Variants in MEF2B observed in about 807,000 individuals in gnomAD.
MEF2B encodes the protein myocyte enhancer factor 2B.
A neutral mutation model predicts 32.2 loss-of-function variants in MEF2B; 15 were observed. The ratio of observed to expected loss-of-function variants is 0.47; its 90% CI spans 0.31 to 0.72. The LOEUF is 0.72. MEF2B is among the 30% of genes least tolerant of loss of function. The probability of loss-of-function intolerance (pLI) is 0.05; values close to 1 mark genes in which losing one functional copy is unlikely to be tolerated. For missense variants in MEF2B, 441 were observed against 511.5 expected (o/e 0.86, Z 1.33); for synonymous variants, 205 against 225.6 (o/e 0.91, Z 0.82).
At chr19:19,160,928 G>C (rs374707809) in intron 1 of MEF2B, among the ~76,000 whole-genome samples, 11 of 152,022 alleles carry the variant, frequency 7.2e-5, no homozygotes, top group Admixed American at 1.3e-4. Context: ...GTACCCAGGT[G>C]GGGGGGCATG....
chr19:19,150,037 ATC>A, intron 2 of MEF2B, among the ~76,000 whole-genome samples: 1 of 143,198 alleles, frequency 7.0e-6, no homozygotes, highest in East Asian at 2.2e-4. Context: ...GTGAGCCGAG[ATC>A]GCTCCACTGC....
chr19:19,150,251 C>A (rs1378205667), intron 2 of MEF2B, among the ~76,000 whole-genome samples: 6 of 150,982 alleles, frequency 4.0e-5, no homozygotes. Context: ...ACTGACAGAC[C>A]AGGCGCGGTG....
chr19:19,164,893 T>C (rs2060194563), intron 1 of MEF2B, among the ~76,000 whole-genome samples: 1 of 152,116 alleles, frequency 6.6e-6, no homozygotes, highest in Non-Finnish European at 1.5e-5. Context: ...GCCCAAGGTT[T>C]TCCTCTCTTT....
chr19:19,151,958 ATTTT>A (rs201703145), intron 1 of MEF2B, among the ~76,000 whole-genome samples: 2 of 116,594 alleles, frequency 1.7e-5, no homozygotes. Flanking sequence ...CCCCATCTCT[ATTTT>A]TTTTTTTTTT....
chr19:19,152,263 TA>T (rs1444769045), intron 1 of MEF2B, among the ~76,000 whole-genome samples: 4 of 149,516 alleles, frequency 2.7e-5, no homozygotes, highest in Non-Finnish European at 5.9e-5. Context: ...CCATCTCTAT[TA>T]AAAATGCAAA....
At chr19:19,167,542 AG>A (rs2060219339) in intron 1 of MEF2B, among the ~76,000 whole-genome samples, 1 of 151,976 alleles carries the variant, frequency 6.6e-6, no homozygotes, top group African/African-American at 2.4e-5. Flanking sequence ...AAAGAAAGAA[AG>A]AAAGAAAGAA....
intron 1 of MEF2B, among the ~76,000 whole-genome samples, chr19:19,155,159 T>C (rs905157076): frequency 6.6e-6 from 1 of 152,210 alleles, no homozygotes; most frequent in African/African-American, 2.4e-5. Flanking sequence ...TCTCCATGGC[T>C]CCCCACTGCC....
In MEF2B at chr19:19,146,547, GGAT is replaced by G; in HGVS notation, c.769+5_769+7del. 6.5e-7 allele frequency: 1 copy of G among 1,548,844 alleles called. No homozygotes were observed. Among genetic ancestry groups the G allele is most frequent in the Non-Finnish European group, 8.7e-7 (1 of 1,149,596 alleles). On this transcript the variant is annotated splice_donor_5th_base_variant and intron_variant, in intron 7 of 8. Coordinates refer to ENST00000424583, the MANE Select transcript of MEF2B (RefSeq NM_001145785.2). ...CCCAGGTGGGGCAGGGCAGGTTAGG[GGAT>G]GTACCTGGGGGGCCTCCGGGGAGGA...
intron 1 of MEF2B, among the ~76,000 whole-genome samples, chr19:19,162,914 A>C (rs1034451618): frequency 1.3e-5 from 2 of 150,466 alleles, no homozygotes; most frequent in East Asian, 2.0e-4. Flanking sequence ...GTACCCACCC[A>C]CCTCTCCCCT....
rs756499405 is a variant in MEF2B, at chr19:19,146,568, G to A, written c.756C>T (p.Pro252=). 1.7e-5 allele frequency: 27 copies of A among 1,577,662 alleles called. No individual in the cohort carries two copies. In the Admixed American group the frequency reaches 2.6e-4, roughly 15 times the overall value. The change falls in exon 7 of 9, where the codon CCC becomes CCT. Residue 252 remains proline (P), a synonymous_variant. Coordinates refer to ENST00000424583, the MANE Select transcript of MEF2B (RefSeq NM_001145785.2). ...GPPLGSFPFL[P]GGPPEYGLGD... ...TAGGGGATGTACCTGGGGGGCCTCC[G>A]GGGAGGAAGGGGAAGCTCCCCAGTG...
chr19:19,147,178 T>C lies in MEF2B; in HGVS notation c.399A>G (p.Ala133=), dbSNP rs2060034684. Reference sequence around the variant, plus strand: ...CATCTGGGCTGGGCATAGCAGGAGCTGCAGGCTGTGGGTAGAGAAGGGATG... The same window carrying C: ...CATCTGGGCTGGGCATAGCAGGAGCCGCAGGCTGTGGGTAGAGAAGGGATG... ...PALPRPRLYP[A]APAMPSPDVV... The change falls in exon 5 of 9, where the codon GCA becomes GCG. Residue 133 remains alanine, a synonymous_variant. Transcript: ENST00000424583. 6.4e-7 allele frequency: 1 copy of C among 1,573,380 alleles called. No individual in the cohort carries two copies. Among genetic ancestry groups the C allele is most frequent in the Non-Finnish European group, 8.6e-7 (1 of 1,159,948 alleles).
intron 1 of MEF2B, among the ~76,000 whole-genome samples, chr19:19,158,586 T>C (rs1475864762): frequency 2.1e-5 from 3 of 140,866 alleles, no homozygotes; most frequent in Non-Finnish European, 4.6e-5. Flanking sequence ...GGCAAAGCCC[T>C]GTCTGTAGGA....
chr19:19,155,692 G>A (rs1178260095), intron 1 of MEF2B, among the ~76,000 whole-genome samples: 1 of 152,226 alleles, frequency 6.6e-6, no homozygotes, highest in Non-Finnish European at 1.5e-5. Context: ...CGGCAGGCCA[G>A]AGTGTGCATG....
chr19:19,161,868 C>T (rs1213085911), intron 1 of MEF2B, among the ~76,000 whole-genome samples: 5 of 149,188 alleles, frequency 3.4e-5, no homozygotes, highest in Non-Finnish European at 4.5e-5. Context: ...AGTGCAGTGG[C>T]GTGTTCTCTG....
At chr19:19,151,556 G>A (rs559005156) in intron 1 of MEF2B, among the ~76,000 whole-genome samples, 3 of 152,156 alleles carry the variant, frequency 2.0e-5, no homozygotes, top group South Asian at 2.1e-4. Flanking sequence ...CTGTACAGAC[G>A]TCCCCTGACA....
intron 1 of MEF2B, among the ~76,000 whole-genome samples, chr19:19,167,398 C>T (rs912099633): frequency 1.3e-5 from 2 of 148,918 alleles, no homozygotes; most frequent in Admixed American, 6.7e-5. Context: ...GGTGTGAGCG[C>T]GTATTCCTAG....
At chr19:19,153,479 C>T (rs991843619) in intron 1 of MEF2B, among the ~76,000 whole-genome samples, 4 of 151,988 alleles carry the variant, frequency 2.6e-5, no homozygotes, top group African/African-American at 9.7e-5. Flanking sequence ...TATTTTGAGA[C>T]AGAGTCTCAC....
chr19:19,147,439 G>GCA, intron 4 of MEF2B, among the ~76,000 whole-genome samples: 1 of 150,484 alleles, frequency 6.6e-6, no homozygotes, highest in Non-Finnish European at 1.5e-5. Context: ...TTGGCACTGA[G>GCA]GGGGCTGCAC....
intron 1 of MEF2B, among the ~76,000 whole-genome samples, chr19:19,168,594 C>CT (rs1389712382): frequency 2.0e-4 from 29 of 147,292 alleles, no homozygotes; most frequent in East Asian, 4.1e-4. Flanking sequence ...TCTTTTCTTT[C>CT]TTTTTGTTTT....
Sources: allele counts gnomAD v4.1 joint callset (sites outside exome capture counted in the v4.1 genomes callset), GRCh38; gene constraint gnomAD v4.1.1; transcripts MANE v1.5; gene names NCBI Gene and HGNC (gene_info 2026-07-23, HGNC 2026-07-21).